SPDYE3: variants seen among roughly 807,000 people sequenced by gnomAD.
SPDYE3 encodes the protein speedy protein E3.
In SPDYE3, 15 loss-of-function variants were observed where a neutral mutation model predicts 55.0. The ratio of observed to expected loss-of-function variants is 0.27; its 90% CI spans 0.18 to 0.42. SPDYE3 has a LOEUF of 0.42. Among genes scored for constraint, SPDYE3 ranks in the 10% least tolerant of loss-of-function variants. The pLI is 1.00. For missense variants in SPDYE3, 236 were observed against 576.7 expected, an observed-to-expected ratio of 0.41 and a Z score of 6.05; for synonymous variants, 89 against 229.9, an observed-to-expected ratio of 0.39 and a Z score of 5.55.
intron 8 of SPDYE3, among the ~76,000 whole-genome samples, chr7:100,318,797 C>T (rs1467760090): frequency 2.0e-5 from 3 of 150,914 alleles, no homozygotes; most frequent in Admixed American, 6.6e-5. Flanking sequence ...CATAGCTCAC[C>T]GCAGCCTCCA....
At chr7:100,312,526 A>C (rs1409975739) in intron 4 of SPDYE3, among the ~76,000 whole-genome samples, 1 of 137,602 alleles carries the variant, frequency 7.3e-6, no homozygotes, top group South Asian at 2.3e-4. Flanking sequence ...GAAGAAGAGA[A>C]AAAAGAAGGG....
At chr7:100,315,094 G>A (rs942946371) in intron 6 of SPDYE3, among the ~76,000 whole-genome samples, 7 of 151,060 alleles carry the variant, frequency 4.6e-5, no homozygotes, top group South Asian at 4.2e-4. Flanking sequence ...CTCCAGCCTG[G>A]GTGACAGAGC....
In SPDYE3 at chr7:100,320,439, G is replaced by A. The variant is rs546440639; in HGVS notation, c.*45+404G>A. The A allele has an allele frequency of 1.2e-5, 13 of 1,046,088 alleles. No individual in the cohort carries two copies. The African/African-American group carries it at 1.7e-4, about 14-fold the overall frequency. The allele number at this position is 1,046,088 out of a possible 1,614,324, so 64.8% of individuals were successfully genotyped here. On this transcript the variant is annotated intron_variant, in intron 10 of 10. Transcript: ENST00000332397. ...CATCTTGTGCAGCTAACCATGTTGA[G>A]CACAGAGCATGAGACTTCGTCATGA...
At chr7:100,317,255 C>T in intron 8 of SPDYE3, 100 bp downstream of exon 8, 2 of 1,285,832 alleles carry the variant, frequency 1.6e-6, no homozygotes, top group Non-Finnish European at 2.2e-6. Context: ...CCTATTTGTC[C>T]TCTTTACTCT....
In SPDYE3 at chr7:100,319,965, C is replaced by T. The variant is rs758425540; in HGVS notation, c.1625C>T (p.Ala542Val). Residue 542 changes from alanine to valine, a missense_variant, in exon 10 of 11, where the codon GCG becomes GTG. Transcript: ENST00000332397. ...QAYDPEHWVW[A>V]RDRAHLS ...TATGACCCAGAGCACTGGGTGTGGGCGCGAGATCGCGCCCACCTTTCCTAG... is the reference window on the plus strand; with the variant it reads ...TATGACCCAGAGCACTGGGTGTGGGTGCGAGATCGCGCCCACCTTTCCTAG... 1.9e-5 allele frequency: 31 copies of T among 1,607,088 alleles called. No individual in the cohort carries two copies. The highest frequency in any genetic ancestry group is 2.2e-5 in the East Asian group (1 of 44,640).
At chr7:100,319,540 G>A in intron 8 of SPDYE3, 25 bp from the exon 9 acceptor site, 2 of 1,614,066 alleles carry the variant, frequency 1.2e-6, no homozygotes, top group Non-Finnish European at 8.5e-7. Context: ...GTGCCCCTGA[G>A]CAGCAACCTG....
rs1337393351 is a variant in SPDYE3 at position 100,319,938 on chromosome 7, C to T, written c.1598C>T (p.Ala533Val). The T allele has an allele frequency of 1.9e-6, 3 of 1,606,516 alleles. No individual in the cohort carries two copies. The highest frequency in any genetic ancestry group is 1.1e-5 in the South Asian group (1 of 90,928). Residue 533 changes from alanine to valine, a missense_variant, in exon 10 of 11, where the codon GCT (alanine) becomes GTT (valine). Transcript: ENST00000332397. ...VSPEELEEIQAYDPEHWVWAR... is the reference protein window; with the variant it reads ...VSPEELEEIQVYDPEHWVWAR... ...GCGCATTTGTTTTTCCAGATCCAGG[C>T]TTATGACCCAGAGCACTGGGTGTGG...
At chr7:100,316,507 C>T (rs1453789238) in intron 7 of SPDYE3, among the ~76,000 whole-genome samples, 1 of 152,218 alleles carries the variant, frequency 6.6e-6, no homozygotes, top group African/African-American at 2.4e-5. Flanking sequence ...AGGTTGTTCT[C>T]CAACTGTTGG....
rs1789590126 is a variant in SPDYE3, at chr7:100,321,984, T to A, written c.*1139T>A. 1 of 151,500 alleles carries A rather than the reference T, an allele frequency of 6.6e-6. No individual in the cohort carries two copies. Among genetic ancestry groups the A allele is most frequent in the Non-Finnish European group, 1.5e-5 (1 of 67,858 alleles). 9.4% of individuals were successfully genotyped at this position (151,500 alleles called of 1,614,324 possible). A position where few individuals can be genotyped will look rare whatever the true frequency, so the allele number is the denominator to read the frequency against. On this transcript the variant is annotated 3_prime_UTR_variant, in exon 11 of 11. Transcript: ENST00000332397. ...TGTGTGATGGGTATTATAACTGTTA[T>A]ATACACATAAATATAATTTTGTTTT...
At chr7:100,315,341 A>T (rs533288481) in intron 6 of SPDYE3, among the ~76,000 whole-genome samples, 4 of 152,198 alleles carry the variant, frequency 2.6e-5, no homozygotes, top group Non-Finnish European at 5.9e-5. Flanking sequence ...TCAAAAATCA[A>T]AAAAGTGGTT....
chr7:100,308,330 CAA>C (rs1302549830), intron 1 of SPDYE3, among the ~76,000 whole-genome samples: 11 of 46,748 alleles, frequency 2.4e-4, no homozygotes, highest in South Asian at 7.3e-4. Context: ...GACGCTGTCT[CAA>C]AAAAAAAAAA....
rs556996109 is a variant in SPDYE3, at chr7:100,321,794, G to A, written c.*949G>A. 223 of 147,724 alleles carry A rather than the reference G, an allele frequency of 1.5e-3. No homozygotes were observed. Among genetic ancestry groups the A allele is most frequent in the African/African-American group, 5.1e-3 (208 of 40,696 alleles). 9.2% of individuals were successfully genotyped at this position (147,724 alleles called of 1,614,324 possible). ...ATTTATTTCGAAAAAGATGGGCAAA[G>A]AATTATTTAAATATTATTTTATTTA... On this transcript the variant is annotated 3_prime_UTR_variant, in exon 11 of 11. Coordinates refer to ENST00000332397, the MANE Select transcript of SPDYE3 (RefSeq NM_001004351.5).
At position 100,320,913 on chromosome 7, in the gene SPDYE3, T is replaced by C. The variant is rs1213478675; in HGVS notation, c.*68T>C. On this transcript the variant is annotated 3_prime_UTR_variant, in exon 11 of 11. Coordinates refer to ENST00000332397, the MANE Select transcript of SPDYE3 (RefSeq NM_001004351.5). ...CAGAACACCGGACCCAGGGGAGATGTGGATTTTCAGCAGGAACTTTATTCC... is the reference window on the plus strand; with the variant it reads ...CAGAACACCGGACCCAGGGGAGATGCGGATTTTCAGCAGGAACTTTATTCC... 4.1e-6 allele frequency: 5 copies of C among 1,233,794 alleles called. No individual in the cohort carries two copies. In the African/African-American group the frequency reaches 7.7e-5, roughly 19 times the overall value. The allele number at this position is 1,233,794 out of a possible 1,614,324, so 76.4% of individuals were successfully genotyped here. A position where few individuals can be genotyped will look rare whatever the true frequency, so the allele number is the denominator to read the frequency against.
chr7:100,308,452 T>C (rs1362821332), intron 1 of SPDYE3, among the ~76,000 whole-genome samples: 2 of 151,514 alleles, frequency 1.3e-5, no homozygotes, highest in East Asian at 3.9e-4. Flanking sequence ...CTCACACCTG[T>C]AATCCCAGCA....
At chr7:100,317,853 G>A (rs1156799137) in intron 8 of SPDYE3, among the ~76,000 whole-genome samples, 2 of 150,322 alleles carry the variant, frequency 1.3e-5, no homozygotes, top group African/African-American at 4.9e-5. Flanking sequence ...GCGGGCACCT[G>A]TAGTCCCAGC....
chr7:100,308,083 A>T, intron 1 of SPDYE3, 92 bp downstream of exon 1: 3 of 1,419,650 alleles, frequency 2.1e-6, no homozygotes, highest in Non-Finnish European at 2.8e-6. Context: ...TAACACCAAC[A>T]CTTTGGGAGG....
In SPDYE3 at chr7:100,321,207, C is replaced by T. The variant is rs3991547; in HGVS notation, c.*362C>T. 1.6e-4 allele frequency: 77 copies of T among 485,906 alleles called. No individual in the cohort carries two copies. Among genetic ancestry groups the T allele is most frequent in the African/African-American group, 1.1e-3 (56 of 51,270 alleles). 30.1% of individuals were successfully genotyped at this position (485,906 alleles called of 1,614,324 possible). On this transcript the variant is annotated 3_prime_UTR_variant, in exon 11 of 11. Coordinates refer to ENST00000332397, the MANE Select transcript of SPDYE3 (RefSeq NM_001004351.5). ...CGGAACCTGGAGGTCCTGTTTCTTA[C>T]GGACTTGGTTGCCACAGTCCAGGAG...
intron 6 of SPDYE3, among the ~76,000 whole-genome samples, chr7:100,315,355 G>C (rs1227763128): frequency 6.6e-6 from 1 of 152,158 alleles, no homozygotes. Flanking sequence ...AGTGGTTTCA[G>C]CTGTGCCCTC....
chr7:100,320,518 A>G (rs2405470), intron 10 of SPDYE3: 1 of 966,872 alleles, frequency 1.0e-6, no homozygotes, highest in Non-Finnish European at 1.3e-6. Flanking sequence ...ATGTTGTCAC[A>G]TTAGAAACAG....
Sources: gnomAD v4.1 joint callset for allele counts (sites outside exome capture counted in the v4.1 genomes callset) on GRCh38, gnomAD v4.1.1 for gene constraint, MANE v1.5 for transcripts, NCBI Gene and HGNC (gene_info 2026-07-23, HGNC 2026-07-21) for gene names.